The following DAB1 variants were observed in gnomAD, a reference collection of about 807,000 sequenced individuals.
The protein encoded by DAB1 is disabled homolog 1.
In DAB1, 15 loss-of-function variants were observed where a neutral mutation model predicts 64.6. The observed-to-expected ratio is 0.23, with a 90% CI of 0.16 to 0.36. DAB1 has a LOEUF of 0.36. DAB1 is among the 10% of genes least tolerant of loss of function. The probability of loss-of-function intolerance (pLI) is 1.00; values close to 1 mark genes in which losing one functional copy is unlikely to be tolerated. For missense variants in DAB1, 596 were observed against 706.7 expected, an observed-to-expected ratio of 0.84 and a Z score of 1.78; for synonymous variants, 235 against 251.9, an observed-to-expected ratio of 0.93 and a Z score of 0.64.
intron 3 of DAB1, among the ~76,000 whole-genome samples, chr1:58,453,117 T>A (rs1645156565): frequency 6.6e-6 from 1 of 152,002 alleles, no homozygotes; most frequent in East Asian, 1.9e-4. Flanking sequence ...TCGTGCTGAG[T>A]GAAAAGACCA....
intron 4 of DAB1, among the ~76,000 whole-genome samples, chr1:58,160,462 G>A (rs1655477789): frequency 6.6e-6 from 1 of 152,120 alleles, no homozygotes; most frequent in African/African-American, 2.4e-5. Context: ...GGCAATTAGG[G>A]AAAGCCTCTT....
chr1:57,191,979 T>C (rs558922860), intron 2 of DAB1, among the ~76,000 whole-genome samples: 11 of 152,174 alleles, frequency 7.2e-5, no homozygotes, highest in Non-Finnish European at 1.3e-4. Context: ...ACCACAAATA[T>C]AATCGCTGCT....
intron 5 of DAB1, among the ~76,000 whole-genome samples, chr1:57,975,305 C>T (rs990198518): frequency 6.6e-6 from 1 of 152,156 alleles, no homozygotes; most frequent in Admixed American, 6.5e-5. Flanking sequence ...ATTACAGTAG[C>T]CTGAACTCAC....
chr1:58,526,820 T>A (rs552182302), intron 2 of DAB1, among the ~76,000 whole-genome samples: 1 of 152,204 alleles, frequency 6.6e-6, no homozygotes, highest in Non-Finnish European at 1.5e-5. Context: ...ATTGGAGTAC[T>A]GGAGTAAAAT....
intron 3 of DAB1, among the ~76,000 whole-genome samples, chr1:58,415,696 G>A (rs1350205058): frequency 6.6e-6 from 1 of 152,180 alleles, no homozygotes; most frequent in African/African-American, 2.4e-5. Flanking sequence ...CTATTATAGA[G>A]TGTCAACCGT....
At chr1:57,060,165 ATT>A (rs372494623) in intron 9 of DAB1, among the ~76,000 whole-genome samples, 2,779 of 150,008 alleles carry the variant, frequency 0.019, 97 homozygotes, top group African/African-American at 0.065. Flanking sequence ...ATTTTATTTT[ATT>A]TGAGACGGAG....
intron 1 of DAB1, among the ~76,000 whole-genome samples, chr1:58,541,293 CAAAAAAAAAAAAAAAAA>C (rs71043292): frequency 1.7e-3 from 48 of 27,558 alleles, no homozygotes; most frequent in East Asian, 3.8e-3. Flanking sequence ...GACTCTGTCT[CAAAAAAAAAAAAAAAAA>C]AAAAAAAAAA....
At chr1:57,213,070 C>T (rs1391734755) in intron 2 of DAB1, among the ~76,000 whole-genome samples, 1 of 151,920 alleles carries the variant, frequency 6.6e-6, no homozygotes, top group African/African-American at 2.4e-5. Flanking sequence ...GACTGTGCTG[C>T]CCAGGGCCCA....
At chr1:57,153,646 GTTTGT>G (rs1659920309) in intron 2 of DAB1, among the ~76,000 whole-genome samples, 1 of 151,100 alleles carries the variant, frequency 6.6e-6, no homozygotes, top group Non-Finnish European at 1.5e-5. Context: ...TTGTTTGTTT[GTTTGT>G]TTTTGAGACG....
chr1:58,060,538 G>A (rs890182467), intron 5 of DAB1, among the ~76,000 whole-genome samples: 11 of 152,342 alleles, frequency 7.2e-5, no homozygotes, highest in South Asian at 4.1e-4. Context: ...GTAGATAAGT[G>A]GAAGGGTAAA....
At chr1:57,157,130 A>T (rs1660298875) in intron 2 of DAB1, among the ~76,000 whole-genome samples, 1 of 152,202 alleles carries the variant, frequency 6.6e-6, no homozygotes, top group Admixed American at 6.5e-5. Context: ...GCCAAATAAA[A>T]GTTATTTCAC....
chr1:58,329,682 T>C (rs1458085715), intron 4 of DAB1, among the ~76,000 whole-genome samples: 2 of 152,230 alleles, frequency 1.3e-5, no homozygotes, highest in Non-Finnish European at 1.5e-5. Flanking sequence ...CTGTGTCACA[T>C]TTTGATAATT....
At chr1:58,010,216 G>A (rs563732562) in intron 5 of DAB1, among the ~76,000 whole-genome samples, 9 of 152,208 alleles carry the variant, frequency 5.9e-5, no homozygotes, top group South Asian at 4.1e-4. Flanking sequence ...ATGCAGATAC[G>A]ATTATTCCCA....
At chr1:58,297,370 A>G (rs1335392890) in intron 4 of DAB1, among the ~76,000 whole-genome samples, 2 of 152,212 alleles carry the variant, frequency 1.3e-5, no homozygotes, top group African/African-American at 4.8e-5. Context: ...AATGATGAGT[A>G]TAAATATCCC....
At chr1:57,491,200 G>A (rs550594476) in intron 7 of DAB1, among the ~76,000 whole-genome samples, 13 of 152,234 alleles carry the variant, frequency 8.5e-5, no homozygotes, top group Middle Eastern at 3.4e-3. Context: ...AGGCTGAGGC[G>A]GGTGGATCAT....
intron 6 of DAB1, among the ~76,000 whole-genome samples, chr1:57,815,021 T>TA (rs1651788600): frequency 6.6e-6 from 1 of 152,300 alleles, no homozygotes; most frequent in Admixed American, 6.5e-5. Context: ...TTTCCTGGAT[T>TA]AAAACTACTA....
chr1:57,174,574 A>G (rs1168826870), intron 2 of DAB1, among the ~76,000 whole-genome samples: 1 of 152,184 alleles, frequency 6.6e-6, no homozygotes, highest in East Asian at 1.9e-4. Flanking sequence ...CTTTGTACTC[A>G]TCACTTTTTA....
intron 2 of DAB1, among the ~76,000 whole-genome samples, chr1:57,209,377 TA>T (rs1665832096): frequency 6.6e-6 from 1 of 152,226 alleles, no homozygotes; most frequent in Non-Finnish European, 1.5e-5. Flanking sequence ...CAAAGACAGT[TA>T]AATGAATTGG....
chr1:57,081,796 T>G (rs1652580513), intron 4 of DAB1, among the ~76,000 whole-genome samples: 1 of 152,196 alleles, frequency 6.6e-6, no homozygotes, highest in African/African-American at 2.4e-5. Flanking sequence ...TTGTAAGTAC[T>G]AATTAATATT....
Sources: allele counts gnomAD v4.1 joint callset (sites outside exome capture counted in the v4.1 genomes callset), GRCh38; gene constraint gnomAD v4.1.1; transcripts MANE v1.5; gene names NCBI Gene and HGNC (gene_info 2026-07-23, HGNC 2026-07-21).